VPS13D: variants seen among roughly 807,000 people sequenced by gnomAD.
The protein encoded by VPS13D is vacuolar protein sorting 13 homolog D.
VPS13D carries 187 observed loss-of-function variants against 461.9 expected under a neutral mutation model. The observed-to-expected ratio is 0.40, with a 90% confidence interval of 0.36 to 0.46. The LOEUF (loss-of-function observed/expected upper bound fraction) is 0.46. Ranked by LOEUF, VPS13D falls within the 20% of genes least tolerant of loss-of-function variation. VPS13D has a pLI of 0.60. For missense variants in VPS13D, 4,711 were observed against 5,364.9 expected, an observed-to-expected ratio of 0.88 and a Z score of 3.81; for synonymous variants, 1,951 against 1,986.3, an observed-to-expected ratio of 0.98 and a Z score of 0.47.
At chr1:12,368,615 G>T in intron 53 of VPS13D, 24 bp downstream of exon 53, 1 of 1,604,514 alleles carries the variant, frequency 6.2e-7, no homozygotes, top group Non-Finnish European at 8.5e-7. Flanking sequence ...CTGAGAGCCA[G>T]TTTGACTGTT....
rs1444458060 is a variant in VPS13D, at chr1:12,310,901, TTCCCTCCTTCC to T, written c.6651-552_6651-542del. Among the ~76,000 whole-genome samples the T allele has an allele frequency of 4.0e-3, 536 of 134,788 alleles. 5 individuals carry two copies. The highest frequency in any genetic ancestry group is 0.021 in the Admixed American group (270 of 13,150). 88.4% of individuals were successfully genotyped at this position (134,788 alleles called of 152,430 possible). A position where few individuals can be genotyped will look rare whatever the true frequency, so the allele number is the denominator to read the frequency against. ...CTTCCCTCCTTCCCTCCTTCCCTCC[TTCCCTCCTTCC>T]CTCCCTCTCTCCCTCTCTCCCTCCC... On this transcript the variant is annotated intron_variant, in intron 27 of 69. Transcript: ENST00000620676.
In VPS13D at chr1:12,260,182, C is replaced by T. The variant is rs541628124; in HGVS notation, c.1111-511C>T. The stretch of plus-strand genomic sequence containing the variant: ...CTGGGACTACAGGCGCCTGCCACCA[C>T]GCCTGGCTAATTTTTTGTATTTTTA... On this transcript the variant is annotated intron_variant, in intron 10 of 69. Transcript: ENST00000620676. Among the ~76,000 whole-genome samples the T allele has an allele frequency of 5.3e-5, 8 of 152,024 alleles. No homozygotes were observed. In the East Asian group the frequency reaches 1.2e-3, roughly 22 times the overall value.
chr1:12,327,945 CTATT>C (rs1253260878), intron 36 of VPS13D, 91 bp downstream of exon 36: 33 of 1,242,176 alleles, frequency 2.7e-5, no homozygotes, highest in Non-Finnish European at 3.6e-5. Context: ...CATTCATACT[CTATT>C]TAGTCATTTG....
rs896415033 is a variant in VPS13D at position 12,334,078 on chromosome 1, G to T, written c.8428+712G>T. Among the ~76,000 whole-genome samples, 6 of 152,296 alleles carry T rather than the reference G, an allele frequency of 3.9e-5. No homozygotes were observed. The East Asian group carries it at 1.2e-3, about 29-fold the overall frequency. On this transcript the variant is annotated intron_variant, in intron 38 of 69. Coordinates refer to ENST00000620676, the MANE Select transcript of VPS13D (RefSeq NM_015378.4). ...GCGATAACACATACTATTGCAAATT[G>T]TGAACTTCCTTTGGTGTGTATGTTG...
chr1:12,453,612 T>C (rs564247536), intron 65 of VPS13D, among the ~76,000 whole-genome samples: 6 of 152,288 alleles, frequency 3.9e-5, no homozygotes, highest in African/African-American at 1.4e-4. Context: ...TAGCAGGCAC[T>C]CTTATTGATT....
chr1:12,393,927 C>T (rs1030419363), intron 60 of VPS13D, among the ~76,000 whole-genome samples: 4 of 151,714 alleles, frequency 2.6e-5, no homozygotes, highest in African/African-American at 4.8e-5. Flanking sequence ...TACTTGACCT[C>T]CATAAGCCCC....
Position 12,334,725 on chromosome 1 carries a change from C to T in VPS13D, c.8429-980C>T, listed in dbSNP as rs116330163. ...AGTTACAGTGAGCTATGATTGTGCC[C>T]GTGTACTCCAGCCTTGGAGACAGAG... On this transcript the variant is annotated intron_variant, in intron 38 of 69. Transcript: ENST00000620676. 7.2e-3 allele frequency among the ~76,000 whole-genome samples: 1,098 copies of T among 152,216 alleles called. 16 individuals carry two copies. Among genetic ancestry groups the T allele is most frequent in the African/African-American group, 0.025 (1,050 of 41,528 alleles).
intron 10 of VPS13D, among the ~76,000 whole-genome samples, chr1:12,258,628 C>A (rs1022868370): frequency 6.6e-6 from 1 of 152,206 alleles, no homozygotes; most frequent in Admixed American, 6.5e-5. Context: ...GGAGCCCTGG[C>A]ATGGGACCCC....
At chr1:12,339,160 G>T (rs1419602196) in intron 40 of VPS13D, among the ~76,000 whole-genome samples, 4 of 152,020 alleles carry the variant, frequency 2.6e-5, no homozygotes, top group African/African-American at 9.7e-5. Context: ...CACAAAGAAA[G>T]CCCAGAGCTG....
At chr1:12,396,647 A>T (rs1644503014) in intron 60 of VPS13D, among the ~76,000 whole-genome samples, 1 of 152,150 alleles carries the variant, frequency 6.6e-6, no homozygotes, top group South Asian at 2.1e-4. Flanking sequence ...TGTGTCTCCC[A>T]TGACTGGGGC....
intron 20 of VPS13D, among the ~76,000 whole-genome samples, chr1:12,281,553 G>T (rs1445418598): frequency 1.3e-5 from 2 of 152,056 alleles, no homozygotes; most frequent in Non-Finnish European, 2.9e-5. Context: ...TTCTTTTTTG[G>T]CAGGGGAGTT....
At chr1:12,231,330 C>T (rs1006861273) in intron 1 of VPS13D, among the ~76,000 whole-genome samples, 9 of 152,230 alleles carry the variant, frequency 5.9e-5, no homozygotes, top group African/African-American at 1.9e-4. Context: ...GAAGTGGCCT[C>T]AAGCACGGTC....
chr1:12,457,927 A>T (rs557518178), intron 66 of VPS13D, among the ~76,000 whole-genome samples: 1 of 152,338 alleles, frequency 6.6e-6, no homozygotes, highest in East Asian at 1.9e-4. Context: ...ATGACAGTAC[A>T]TTGGACTCTT....
chr1:12,258,007 C>T lies in VPS13D; in HGVS notation c.1014C>T (p.Thr338=), dbSNP rs760675797. The T allele has an allele frequency of 1.9e-6, 3 of 1,614,166 alleles. No homozygotes were observed. The highest frequency in any genetic ancestry group is 2.2e-5 in the East Asian group (1 of 44,888). ...TCAGAGAGCAGAGGAAACGTTGCAC[C>T]TGGGACTTTATGTTGCACCGCGCTC... ...YEIREQRKRC[T]WDFMLHRARD... The change falls in exon 10 of 70, where the codon ACC becomes ACT. Residue 338 remains threonine (T), a synonymous_variant. Coordinates refer to ENST00000620676, the MANE Select transcript of VPS13D (RefSeq NM_015378.4).
rs187606965 is a variant in VPS13D at position 12,468,958 on chromosome 1, C to T, written c.12662+8562C>T. Among the ~76,000 whole-genome samples the T allele has an allele frequency of 1.3e-3, 197 of 151,526 alleles. 1 individual carries two copies. The highest frequency in any genetic ancestry group is 4.7e-3 in the African/African-American group (195 of 41,272). ...TTGAGGCAAGAAAATCGCTTGAGCC[C>T]AGGAGGTCAAGGCTGCAGTGAGCTG... On this transcript the variant is annotated intron_variant, in intron 67 of 69. Coordinates refer to ENST00000620676, the MANE Select transcript of VPS13D (RefSeq NM_015378.4).
chr1:12,381,901 T>G (rs1001797215), intron 57 of VPS13D, among the ~76,000 whole-genome samples: 2 of 110,300 alleles, frequency 1.8e-5, no homozygotes, highest in East Asian at 4.1e-4. Context: ...AGTCTGTCTT[T>G]TTTTCTTTTT....
chr1:12,408,668 C>T (rs1392138717), intron 63 of VPS13D, among the ~76,000 whole-genome samples: 1 of 152,202 alleles, frequency 6.6e-6, no homozygotes, highest in Non-Finnish European at 1.5e-5. Flanking sequence ...CCCAGCTCAA[C>T]TTGAGGTTGC....
chr1:12,340,616 T>A (rs1252390430), intron 40 of VPS13D, among the ~76,000 whole-genome samples: 1 of 152,242 alleles, frequency 6.6e-6, no homozygotes, highest in African/African-American at 2.4e-5. Context: ...TCCTGTAGGA[T>A]GAATTCAGTT....
Position 12,276,400 on chromosome 1 carries a change from A to G in VPS13D, c.2812A>G (p.Ile938Val), listed in dbSNP as rs769435129. The part of the protein sequence containing the change: ...QDSVMNLTQS[I>V]VLLEQHTREV... ...CTCCGTAATGAATTTAACCCAGAGCATTGTGTTGTTGGAGCAGCATACCCG... is the reference window on the plus strand; with the variant it reads ...CTCCGTAATGAATTTAACCCAGAGCGTTGTGTTGTTGGAGCAGCATACCCG... Residue 938 changes from isoleucine to valine, a missense_variant, in exon 19 of 70, where the codon ATT (isoleucine) becomes GTT (valine). By Grantham distance (29) the Ile-to-Val change is conservative (BLOSUM62 3). This residue lies in a region of VPS13D where 4,411 missense variants were observed against 4,937.8 expected (regional missense o/e 0.89). Transcript: ENST00000620676. This position sits in a 1 kb window ranked among gnomAD's most constrained non-coding sequence, Gnocchi z 4.5. 9.3e-6 allele frequency: 15 copies of G among 1,614,156 alleles called. 1 individual carries two copies. The East Asian group carries it at 2.7e-4, about 29-fold the overall frequency.
Sources: allele counts gnomAD v4.1 joint callset (sites outside exome capture counted in the v4.1 genomes callset), GRCh38; gene constraint gnomAD v4.1.1; regional missense constraint gnomAD v4.1.1; non-coding constraint Gnocchi (gnomAD v3.1); transcripts MANE v1.5; gene names NCBI Gene and HGNC (gene_info 2026-07-23, HGNC 2026-07-21).